The following PALD1 variants were observed in gnomAD, a reference collection of about 807,000 sequenced individuals.
The protein encoded by PALD1 is paladin.
In PALD1, 57 loss-of-function variants were observed where a neutral mutation model predicts 96.0. The ratio of observed to expected loss-of-function variants is 0.59; its 90% confidence interval spans 0.48 to 0.74. The LOEUF (loss-of-function observed/expected upper bound fraction) is 0.74. PALD1 is among the 30% of genes least tolerant of loss of function. The probability of loss-of-function intolerance (pLI) is 0.00; values close to 1 mark genes in which losing one functional copy is unlikely to be tolerated. For synonymous variants in PALD1, 464 were observed against 473.6 expected (o/e 0.98, Z 0.26); for missense variants, 1,063 against 1,143.7 (o/e 0.93, Z 1.02).
At chr10:70,564,689 T>C (rs1238128063) in intron 19 of PALD1, among the ~76,000 whole-genome samples, 170 bp downstream of exon 19, 1 of 152,224 alleles carries the variant, frequency 6.6e-6, no homozygotes, top group Non-Finnish European at 1.5e-5. Context: ...GTTTGTCTAA[T>C]CTGACTTTGG....
chr10:70,521,847 T>C (rs573505647), intron 1 of PALD1, among the ~76,000 whole-genome samples: 1 of 151,916 alleles, frequency 6.6e-6, no homozygotes, highest in South Asian at 2.1e-4. Context: ...CTCTTTTTTT[T>C]TGTGCCAAGG....
At chr10:70,554,964 T>TCCCC in intron 18 of PALD1, among the ~76,000 whole-genome samples, 1 of 162 alleles carries the variant, frequency 6.2e-3, no homozygotes, top group Non-Finnish European at 0.014. Flanking sequence ...CCCCCTCCCC[T>TCCCC]CCCCCTCCTC....
intron 1 of PALD1, among the ~76,000 whole-genome samples, chr10:70,484,570 C>T (rs1339533816): frequency 3.3e-5 from 5 of 150,572 alleles, no homozygotes; most frequent in Admixed American, 6.6e-5. Flanking sequence ...GACAGAGTCT[C>T]GGTCTGTTAC....
Position 70,567,125 on chromosome 10 carries a change from A to G in PALD1, c.*392A>G, listed in dbSNP as rs987911415. 16 of 194,722 alleles carry G rather than the reference A, an allele frequency of 8.2e-5. No homozygotes were observed. The highest frequency in any genetic ancestry group is 7.2e-5 in the Non-Finnish European group (7 of 96,688). The allele number at this position is 194,722 out of a possible 1,614,324, so 12.1% of individuals were successfully genotyped here. A position where few individuals can be genotyped will look rare whatever the true frequency, so the allele number is the denominator to read the frequency against. On this transcript the variant is annotated 3_prime_UTR_variant, in exon 20 of 20. Coordinates refer to ENST00000263563, the MANE Select transcript of PALD1 (RefSeq NM_014431.3). ...TCAGATTGGCCTGGCAGCCCCTGGC[A>G]CAGAGCAGACCCGGCCACTGGTAGC...
chr10:70,481,490 C>G (rs1845931440), intron 1 of PALD1, among the ~76,000 whole-genome samples: 1 of 152,222 alleles, frequency 6.6e-6, no homozygotes, highest in Admixed American at 6.5e-5. Flanking sequence ...CTCTGCATTA[C>G]AAGGCTGTGT....
At chr10:70,563,294 A>G (rs1349629515) in intron 18 of PALD1, among the ~76,000 whole-genome samples, 2 of 151,852 alleles carry the variant, frequency 1.3e-5, no homozygotes, top group Non-Finnish European at 2.9e-5. Context: ...AGCCCCTCTC[A>G]GCCCCCAAAC....
chr10:70,518,328 C>T (rs376145201), intron 1 of PALD1, among the ~76,000 whole-genome samples: 13 of 152,286 alleles, frequency 8.5e-5, no homozygotes, highest in African/African-American at 3.1e-4. Context: ...TTTTTCTGCA[C>T]GTATTTGCAT....
chr10:70,487,769 G>T (rs1277081722), intron 1 of PALD1, among the ~76,000 whole-genome samples: 1 of 151,968 alleles, frequency 6.6e-6, no homozygotes, highest in Non-Finnish European at 1.5e-5. Context: ...TGCGTGAAGT[G>T]TGCACTTTGG....
chr10:70,486,983 C>T (rs1323191767), intron 1 of PALD1, among the ~76,000 whole-genome samples: 1 of 152,054 alleles, frequency 6.6e-6, no homozygotes, highest in Non-Finnish European at 1.5e-5. Context: ...GAGAAGGGCC[C>T]TCCCTAGAGA....
chr10:70,534,483 T>C lies in PALD1; in HGVS notation c.1081T>C (p.Phe361Leu), dbSNP rs756265488. 6.2e-7 allele frequency: 1 copy of C among 1,613,122 alleles called. No individual in the cohort carries two copies. Among genetic ancestry groups the C allele is most frequent in the Admixed American group, 1.7e-5 (1 of 59,922 alleles). Residue 361 changes from phenylalanine (F) to leucine (L), a missense_variant, in exon 9 of 20, where the codon TTT (phenylalanine) becomes CTT (leucine). Transcript: ENST00000263563. ...PMEQFQVIQS[F>L]LRMVPQGRRM... ...GGAGCAGTTCCAGGTGATCCAGAGCTTTCTCCGCATGGTGCCCCAGGGAAG... is the reference window on the plus strand; with the variant it reads ...GGAGCAGTTCCAGGTGATCCAGAGCCTTCTCCGCATGGTGCCCCAGGGAAG...
intron 1 of PALD1, among the ~76,000 whole-genome samples, chr10:70,512,303 G>T (rs574507709): frequency 6.6e-5 from 10 of 151,814 alleles, no homozygotes; most frequent in African/African-American, 9.6e-5. Context: ...TGAGATTTTT[G>T]ATTAAATCTG....
chr10:70,529,340 A>C lies in PALD1; in HGVS notation c.288+9A>C. 1 of 1,496,470 alleles carries C rather than the reference A, an allele frequency of 6.7e-7. No homozygotes were observed. The highest frequency in any genetic ancestry group is 9.3e-7 in the Non-Finnish European group (1 of 1,079,560). 92.7% of individuals were successfully genotyped at this position (1,496,470 alleles called of 1,614,324 possible). On this transcript the variant is annotated intron_variant, in intron 3 of 19. Transcript: ENST00000263563. ...AGCACTACCTGGTGCAAGTGAGCTC[A>C]GGCCTTACCCTGCCAGCCCGCCTGC...
chr10:70,561,421 G>A (rs1847735845), intron 18 of PALD1, among the ~76,000 whole-genome samples: 1 of 152,226 alleles, frequency 6.6e-6, no homozygotes, highest in African/African-American at 2.4e-5. Context: ...CTTGGGGAAG[G>A]ATAGAAGCAG....
chr10:70,490,861 G>A (rs1193083428), intron 1 of PALD1, among the ~76,000 whole-genome samples: 11 of 152,192 alleles, frequency 7.2e-5, no homozygotes, highest in Admixed American at 6.5e-4. Flanking sequence ...GTTTTAATGG[G>A]GTATTGCCCG....
At chr10:70,462,224 G>A in the PALD1 span, among the ~76,000 whole-genome samples, 3 of 152,368 alleles carry the variant, frequency 2.0e-5, no homozygotes, top group East Asian at 1.9e-4. Context: ...TAGGGAAACT[G>A]AGTGACTCAG....
At chr10:70,489,508 G>T (rs1232244728) in intron 1 of PALD1, among the ~76,000 whole-genome samples, 1 of 152,206 alleles carries the variant, frequency 6.6e-6, no homozygotes, top group Non-Finnish European at 1.5e-5. Context: ...CCCAGGAAGG[G>T]GTTGTCTTGT....
intron 1 of PALD1, chr10:70,485,431 CAG>C (rs1345748889): frequency 6.6e-6 from 1 of 150,758 alleles, no homozygotes; most frequent in Non-Finnish European, 1.5e-5. Flanking sequence ...GTTTTTGAGA[CAG>C]AGTTTCACTC....
chr10:70,463,127 G>A, the PALD1 span, among the ~76,000 whole-genome samples: 1 of 152,196 alleles, frequency 6.6e-6, no homozygotes, highest in Non-Finnish European at 1.5e-5. Context: ...AAAATGCGCC[G>A]GTCATGGTGG....
In PALD1 at chr10:70,539,164, C is replaced by T. The variant is rs781010677; in HGVS notation, c.1642C>T (p.Arg548Trp). 8.7e-6 allele frequency: 14 copies of T among 1,613,312 alleles called. No individual in the cohort carries two copies. Among genetic ancestry groups the T allele is most frequent in the Admixed American group, 3.3e-5 (2 of 59,886 alleles). ...GCGGAAGGTTGTCTGGGTGAGCCTTCGGGAGGAGGCCGTGTTGGAGTGTGA... is the reference window on the plus strand; with the variant it reads ...GCGGAAGGTTGTCTGGGTGAGCCTTTGGGAGGAGGCCGTGTTGGAGTGTGA... ...RLRKVVWVSL[R>W]EEAVLECDGH... The change falls in exon 14 of 20, where the codon CGG (arginine) becomes TGG (tryptophan). Residue 548 changes from arginine to tryptophan, a missense_variant. Coordinates refer to ENST00000263563, the MANE Select transcript of PALD1 (RefSeq NM_014431.3). The surrounding 1 kb of genome is among the most constrained non-coding windows in gnomAD (Gnocchi z 4.5).
Sources: allele counts gnomAD v4.1 joint callset (sites outside exome capture counted in the v4.1 genomes callset), GRCh38; gene constraint gnomAD v4.1.1; non-coding constraint Gnocchi (gnomAD v3.1); transcripts MANE v1.5; gene names NCBI Gene and HGNC (gene_info 2026-07-23, HGNC 2026-07-21).